Variants in RSRC1 observed in about 807,000 individuals in gnomAD.
RSRC1 encodes the protein arginine and serine rich coiled-coil 1.
Under a neutral mutation model 49.1 loss-of-function variants are expected in RSRC1, and 39 were observed. The ratio of observed to expected loss-of-function variants is 0.79; its 90% CI spans 0.61 to 1.04. The LOEUF is 1.04. Ranked by LOEUF, RSRC1 falls within the 50% of genes least tolerant of loss-of-function variation. RSRC1 has a pLI of 0.00. For missense variants in RSRC1, 388 were observed against 402.4 expected (o/e 0.96, Z 0.31); for synonymous variants, 143 against 130.8 (o/e 1.09, Z -0.63).
chr3:158,286,008 C>T (rs1472437314), intron 4 of RSRC1, among the ~76,000 whole-genome samples: 2 of 152,094 alleles, frequency 1.3e-5, no homozygotes, highest in African/African-American at 2.4e-5. Flanking sequence ...TAGATCTTTA[C>T]TGTGCACTAT....
Position 158,202,550 on chromosome 3 carries a change from C to T in RSRC1, c.321-522C>T, listed in dbSNP as rs184687080. ...TTTTAAAAATTATCTGTAGGGTTGT[C>T]AGTCTGGTAGATTATATATATATAT... is the stretch of plus-strand genomic sequence containing the variant. On this transcript the variant is annotated intron_variant, in intron 3 of 9. Coordinates refer to ENST00000611884, the MANE Select transcript of RSRC1 (RefSeq NM_001271838.2). Among the ~76,000 whole-genome samples the T allele has an allele frequency of 8.9e-3, 370 of 41,748 alleles. 5 individuals are homozygous for T. The highest frequency in any genetic ancestry group is 0.044 in the Admixed American group (184 of 4,170). 27.4% of individuals were successfully genotyped at this position (41,748 alleles called of 152,430 possible).
intron 3 of RSRC1, among the ~76,000 whole-genome samples, chr3:158,191,785 C>T (rs1370922144): frequency 6.6e-6 from 1 of 151,828 alleles, no homozygotes; most frequent in African/African-American, 2.4e-5. Flanking sequence ...GTTTCTTTGG[C>T]TTTTTGTTTG....
Position 158,457,554 on chromosome 3 carries a change from A to G in RSRC1, c.584-3381A>G, listed in dbSNP as rs1737395259. 2.0e-5 allele frequency among the ~76,000 whole-genome samples: 3 copies of G among 152,308 alleles called. No individual in the cohort carries two copies. In the South Asian group the frequency reaches 6.2e-4, roughly 32 times the overall value. ...AGATAGGTATGGCTATGATAGACATATGTGTTACAATTTAGACCTATATAC... is the reference window on the plus strand; with the variant it reads ...AGATAGGTATGGCTATGATAGACATGTGTGTTACAATTTAGACCTATATAC... On this transcript the variant is annotated intron_variant, in intron 6 of 9. Transcript: ENST00000611884.
chr3:158,253,363 A>G (rs2139696), intron 4 of RSRC1, among the ~76,000 whole-genome samples: 33,129 of 151,984 alleles, frequency 0.22, 4,191 homozygotes, highest in Non-Finnish European at 0.29. Context: ...TCTAATTTCC[A>G]TGGTTTGTAT....
At chr3:158,318,024 TGC>T (rs201988718) in intron 5 of RSRC1, among the ~76,000 whole-genome samples, 5,980 of 118,430 alleles carry the variant, frequency 0.05, 158 homozygotes, top group East Asian at 0.095. Flanking sequence ...GTTTTGTGTG[TGC>T]GTGTGTGTGT....
chr3:158,480,578 AT>A (rs1384540214), intron 7 of RSRC1, among the ~76,000 whole-genome samples: 4 of 152,076 alleles, frequency 2.6e-5, no homozygotes, highest in Admixed American at 2.6e-4. Context: ...TGGCCCGCAT[AT>A]CAGTAACTGA....
At chr3:158,529,860 C>G (rs892289128) in intron 7 of RSRC1, among the ~76,000 whole-genome samples, 6 of 151,948 alleles carry the variant, frequency 3.9e-5, no homozygotes, top group African/African-American at 1.4e-4. Context: ...TCTTTAGTCA[C>G]TGAAGCCTGG....
intron 7 of RSRC1, among the ~76,000 whole-genome samples, chr3:158,463,378 A>C (rs1282478961): frequency 6.6e-6 from 1 of 152,092 alleles, no homozygotes; most frequent in African/African-American, 2.4e-5. Context: ...AGCTACATTT[A>C]TTTTATTTCA....
intron 3 of RSRC1, among the ~76,000 whole-genome samples, chr3:158,188,229 A>G (rs1401128463): frequency 2.6e-5 from 4 of 151,870 alleles, no homozygotes; most frequent in Non-Finnish European, 2.9e-5. Flanking sequence ...GTTTTCCAGT[A>G]TATATTTCCC....
intron 5 of RSRC1, among the ~76,000 whole-genome samples, chr3:158,345,102 C>G (rs1730474234): frequency 6.6e-6 from 1 of 151,822 alleles, no homozygotes. Flanking sequence ...GTGTCGGGCA[C>G]CTGTAGTCCC....
At chr3:158,439,119 A>G (rs1344844772) in intron 6 of RSRC1, among the ~76,000 whole-genome samples, 1 of 152,180 alleles carries the variant, frequency 6.6e-6, no homozygotes, top group African/African-American at 2.4e-5. Flanking sequence ...ATGAGATACC[A>G]TCTCACACCA....
intron 4 of RSRC1, among the ~76,000 whole-genome samples, chr3:158,267,033 G>A (rs752216623): frequency 1.7e-4 from 26 of 152,112 alleles, no homozygotes; most frequent in Non-Finnish European, 3.2e-4. Flanking sequence ...CAAAGTACTG[G>A]GATTACAGAC....
chr3:158,368,281 A>C (rs904392174), intron 6 of RSRC1, among the ~76,000 whole-genome samples: 3 of 152,166 alleles, frequency 2.0e-5, no homozygotes, highest in African/African-American at 7.2e-5. Flanking sequence ...AGTCAGTATA[A>C]AGCAGATCAT....
chr3:158,122,822 A>G lies in RSRC1; in HGVS notation c.194+524A>G, dbSNP rs552803666. Among the ~76,000 whole-genome samples the G allele has an allele frequency of 3.6e-4, 55 of 151,956 alleles. No individual in the cohort carries two copies. The South Asian group carries it at 0.011, about 29-fold the overall frequency. On this transcript the variant is annotated intron_variant, in intron 2 of 9. Transcript: ENST00000611884. ...TCAATTCCCACCTATGAATGAGAAC[A>G]TGCGGTGTTTGGTTTTTTGTCCTTG...
At chr3:158,273,448 T>A (rs1725631694) in intron 4 of RSRC1, among the ~76,000 whole-genome samples, 1 of 152,094 alleles carries the variant, frequency 6.6e-6, no homozygotes, top group Admixed American at 6.5e-5. Context: ...TCTATTTTCT[T>A]TTTTCTTGTA....
At position 158,358,305 on chromosome 3, in the gene RSRC1, C is replaced by T. The variant is rs929722608; in HGVS notation, c.583+3397C>T. Among the ~76,000 whole-genome samples, 3 of 152,232 alleles carry T rather than the reference C, an allele frequency of 2.0e-5. No individual in the cohort carries two copies. The South Asian group carries it at 6.2e-4, about 32-fold the overall frequency. ...GATAATTCACCTGGACTTAATTATTCTGATTTTGTGTAATTTTTTTGTATT... is the reference window on the plus strand; with the variant it reads ...GATAATTCACCTGGACTTAATTATTTTGATTTTGTGTAATTTTTTTGTATT... On this transcript the variant is annotated intron_variant, in intron 6 of 9. Transcript: ENST00000611884.
At chr3:158,220,645 T>C (rs1171545928) in intron 4 of RSRC1, among the ~76,000 whole-genome samples, 2 of 151,636 alleles carry the variant, frequency 1.3e-5, no homozygotes, top group African/African-American at 4.8e-5. Context: ...AAGGATACTT[T>C]TTCTTCCTTC....
At chr3:158,358,884 G>A (rs925204665) in intron 6 of RSRC1, among the ~76,000 whole-genome samples, 2 of 142,700 alleles carry the variant, frequency 1.4e-5, no homozygotes, top group African/African-American at 5.3e-5. Context: ...CCTTCATTTA[G>A]TATGTGTGTG....
chr3:158,429,267 A>G (rs1167364838), intron 6 of RSRC1, among the ~76,000 whole-genome samples: 1 of 151,626 alleles, frequency 6.6e-6, no homozygotes, highest in Non-Finnish European at 1.5e-5. Flanking sequence ...CATTTACACT[A>G]TGAAATATTA....
Sources: allele counts gnomAD v4.1 joint callset (sites outside exome capture counted in the v4.1 genomes callset), GRCh38; gene constraint gnomAD v4.1.1; transcripts MANE v1.5; gene names NCBI Gene and HGNC (gene_info 2026-07-23, HGNC 2026-07-21).